The following UBE2E3 variants were observed in gnomAD, a reference collection of about 807,000 sequenced individuals.
The protein encoded by UBE2E3 is ubiquitin conjugating enzyme E2 E3, also known as ubiquitin-conjugating enzyme E2 E3.
UBE2E3 carries 5 observed loss-of-function variants against 23.6 expected under a neutral mutation model. The ratio of observed to expected loss-of-function variants is 0.21; its 90% CI spans 0.11 to 0.44. UBE2E3 has a LOEUF of 0.44. Ranked by LOEUF, UBE2E3 falls within the 20% of genes least tolerant of loss-of-function variation. The pLI is 0.99. For missense variants in UBE2E3, 81 were observed against 249.8 expected, an observed-to-expected ratio of 0.32 and a Z score of 4.55; for synonymous variants, 78 against 87.5, an observed-to-expected ratio of 0.89 and a Z score of 0.60.
At chr2:181,024,488 A>G (rs1685812597) in intron 3 of UBE2E3, among the ~76,000 whole-genome samples, 1 of 152,136 alleles carries the variant, frequency 6.6e-6, no homozygotes, top group Non-Finnish European at 1.5e-5. Flanking sequence ...GCGCTGCAAT[A>G]AATTAAAATT....
At position 181,020,149 on chromosome 2, in the gene UBE2E3, A is replaced by G. The variant is rs180827523; in HGVS notation, c.245+36056A>G. Reference sequence around the variant, plus strand: ...AGTACCACAAATTGGGTGACTTTGAACATAAATTTATTGTCTCACAAATCT... The same window carrying G: ...AGTACCACAAATTGGGTGACTTTGAGCATAAATTTATTGTCTCACAAATCT... On this transcript the variant is annotated intron_variant, in intron 3 of 5. Transcript: ENST00000410062. Among the ~76,000 whole-genome samples the G allele has an allele frequency of 2.4e-3, 360 of 152,304 alleles. 2 individuals are homozygous for G. The highest frequency in any genetic ancestry group is 7.7e-3 in the African/African-American group (322 of 41,566).
intron 3 of UBE2E3, among the ~76,000 whole-genome samples, chr2:181,021,570 T>C (rs13410460): frequency 4.5e-4 from 34 of 76,196 alleles, no homozygotes; most frequent in South Asian, 1.2e-3. Flanking sequence ...CTTCCTTCCT[T>C]CCTCCCTCCC....
chr2:181,017,417 G>T (rs560871140), intron 3 of UBE2E3, among the ~76,000 whole-genome samples: 1 of 151,952 alleles, frequency 6.6e-6, no homozygotes, highest in Non-Finnish European at 1.5e-5. Flanking sequence ...GGCATGAGGG[G>T]GGTGGAAACC....
intron 3 of UBE2E3, chr2:180,989,752 A>G: frequency 2.0e-6 from 2 of 1,024,492 alleles, no homozygotes; most frequent in Non-Finnish European, 2.6e-6. Flanking sequence ...GTGCTTTTAA[A>G]AAAAGTTATA....
intron 3 of UBE2E3, among the ~76,000 whole-genome samples, chr2:181,045,329 G>T (rs1487727777): frequency 6.6e-6 from 1 of 152,166 alleles, no homozygotes; most frequent in African/African-American, 2.4e-5. Flanking sequence ...CAGCAAAGCT[G>T]CATTACCTCA....
chr2:180,996,543 G>A (rs1450838984), intron 3 of UBE2E3, among the ~76,000 whole-genome samples: 1 of 152,092 alleles, frequency 6.6e-6, no homozygotes, highest in South Asian at 2.1e-4. Flanking sequence ...GGTTATTTTT[G>A]ACTGGATTGT....
At chr2:181,009,669 CTTTA>C (rs1685258515) in intron 3 of UBE2E3, among the ~76,000 whole-genome samples, 1 of 151,910 alleles carries the variant, frequency 6.6e-6, no homozygotes, top group Admixed American at 6.6e-5. Context: ...ATACTATTTT[CTTTA>C]TTTTAGTGTT....
intron 3 of UBE2E3, among the ~76,000 whole-genome samples, chr2:181,018,341 G>C (rs1176559933): frequency 6.7e-6 from 1 of 150,358 alleles, no homozygotes; most frequent in East Asian, 1.9e-4. Context: ...GTTTACACAT[G>C]TGTTTAATAT....
chr2:181,006,226 G>A (rs1029791781), intron 3 of UBE2E3, among the ~76,000 whole-genome samples: 2 of 152,078 alleles, frequency 1.3e-5, no homozygotes, highest in African/African-American at 4.8e-5. Context: ...AGCACAAATA[G>A]TACAGAAAAA....
intron 3 of UBE2E3, among the ~76,000 whole-genome samples, chr2:181,028,152 T>G (rs1479943775): frequency 6.6e-6 from 1 of 152,118 alleles, no homozygotes; most frequent in African/African-American, 2.4e-5. Flanking sequence ...CATTACATAA[T>G]GTAATTACCT....
At chr2:181,040,936 C>T (rs76888539) in intron 3 of UBE2E3, among the ~76,000 whole-genome samples, 4 of 152,132 alleles carry the variant, frequency 2.6e-5, no homozygotes, top group East Asian at 1.9e-4. Context: ...GATGCTTCAG[C>T]ACATTTCCTT....
intron 3 of UBE2E3, among the ~76,000 whole-genome samples, chr2:181,047,496 T>C (rs1196064588): frequency 6.6e-6 from 1 of 152,166 alleles, no homozygotes; most frequent in Non-Finnish European, 1.5e-5. Context: ...AAACCAACTT[T>C]TTTTTCAACA....
At chr2:181,058,220 A>G (rs182588010) in intron 4 of UBE2E3, among the ~76,000 whole-genome samples, 26 of 151,884 alleles carry the variant, frequency 1.7e-4, no homozygotes, top group African/African-American at 6.3e-4. Flanking sequence ...TAAGGGTTTA[A>G]TAATGTGAAT....
At chr2:181,013,707 G>C (rs951847146) in intron 3 of UBE2E3, among the ~76,000 whole-genome samples, 1 of 152,150 alleles carries the variant, frequency 6.6e-6, no homozygotes, top group African/African-American at 2.4e-5. Context: ...GTGTATATGT[G>C]TGCAGCAGAT....
At chr2:181,058,862 A>G (rs550404847) in intron 4 of UBE2E3, among the ~76,000 whole-genome samples, 14 of 151,862 alleles carry the variant, frequency 9.2e-5, no homozygotes, top group Non-Finnish European at 1.5e-4. Context: ...TTTACTCTCA[A>G]TTACAGCTGT....
chr2:181,033,216 T>A (rs1686142301), intron 3 of UBE2E3, among the ~76,000 whole-genome samples: 1 of 152,156 alleles, frequency 6.6e-6, no homozygotes, highest in Admixed American at 6.6e-5. Context: ...GAGCCCGCAT[T>A]GCCAAGACAA....
chr2:180,999,589 T>C (rs994111242), intron 3 of UBE2E3, among the ~76,000 whole-genome samples: 2 of 152,084 alleles, frequency 1.3e-5, no homozygotes, highest in Non-Finnish European at 2.9e-5. Flanking sequence ...ATCCTTGCCA[T>C]ACTTATTTTT....
chr2:180,998,723 A>G (rs1172009814), intron 3 of UBE2E3, among the ~76,000 whole-genome samples: 2 of 152,262 alleles, frequency 1.3e-5, no homozygotes, highest in South Asian at 2.1e-4. Flanking sequence ...TTGTGGTGCA[A>G]ACAGCTGAAA....
intron 3 of UBE2E3, among the ~76,000 whole-genome samples, chr2:180,991,876 G>A (rs984878910): frequency 2.0e-5 from 3 of 152,134 alleles, no homozygotes; most frequent in Admixed American, 6.5e-5. Context: ...AATGAGGTAC[G>A]ATTTAAAACT....
Sources: gnomAD v4.1 joint callset for allele counts (sites outside exome capture counted in the v4.1 genomes callset) on GRCh38, gnomAD v4.1.1 for gene constraint, MANE v1.5 for transcripts, NCBI Gene and HGNC (gene_info 2026-07-23, HGNC 2026-07-21) for gene names.